EIF5B: variants seen among roughly 807,000 people sequenced by gnomAD.
EIF5B encodes eIF-5B.
Under a neutral mutation model 147.5 loss-of-function variants are expected in EIF5B, and 47 were observed. The observed-to-expected ratio is 0.32, with a 90% CI of 0.25 to 0.41. The LOEUF (loss-of-function observed/expected upper bound fraction) is 0.41. Ranked by LOEUF, EIF5B falls within the 10% of genes least tolerant of loss-of-function variation. The pLI, the probability that EIF5B is intolerant of heterozygous loss-of-function variation, is 1.00. For synonymous variants in EIF5B, 455 were observed against 456.2 expected, an observed-to-expected ratio of 1.00 and a Z score of 0.03; for missense variants, 1,064 against 1,413.2, an observed-to-expected ratio of 0.75 and a Z score of 3.96.
intron 1 of EIF5B, among the ~76,000 whole-genome samples, chr2:99,356,019 T>C (rs1674090690): frequency 6.6e-6 from 1 of 152,242 alleles, no homozygotes; most frequent in Admixed American, 6.5e-5. Flanking sequence ...CTGTTATTAC[T>C]ATATTAGCAT....
At chr2:99,374,389 T>G (rs1264083751) in intron 9 of EIF5B, among the ~76,000 whole-genome samples, 1 of 152,098 alleles carries the variant, frequency 6.6e-6, no homozygotes, top group Non-Finnish European at 1.5e-5. Context: ...CAATACTTAC[T>G]ATTTATAAGT....
At chr2:99,362,494 A>C (rs1324233502) in intron 4 of EIF5B, among the ~76,000 whole-genome samples, 3 of 151,936 alleles carry the variant, frequency 2.0e-5, no homozygotes, top group Non-Finnish European at 2.9e-5. Flanking sequence ...AGGTCAGGAG[A>C]TATAGACCAT....
chr2:99,344,048 A>AAGG (rs2094267090), intron 1 of EIF5B, among the ~76,000 whole-genome samples: 2 of 151,432 alleles, frequency 1.3e-5, no homozygotes, highest in South Asian at 4.2e-4. Context: ...CCTCCCGAGT[A>AAGG]GCTGGGACCA....
intron 22 of EIF5B, 127 bp downstream of exon 22, chr2:99,397,025 C>A: frequency 9.5e-7 from 1 of 1,057,766 alleles, no homozygotes; most frequent in South Asian, 2.6e-5. Context: ...GTGGTCTCCA[C>A]CTTCTTAACA....
Position 99,394,354 on chromosome 2 carries a change from T to G in EIF5B, c.2968T>G (p.Ser990Ala). 6.2e-7 allele frequency: 1 copy of G among 1,614,108 alleles called. No homozygotes were observed. The highest frequency in any genetic ancestry group is 8.5e-7 in the Non-Finnish European group (1 of 1,180,022). Reference sequence around the variant, plus strand: ...CTATGTCCAGGCATCTACACTGGGTTCTTTGGAAGCTCTACTGGAATTTCT... The same window carrying G: ...CTATGTCCAGGCATCTACACTGGGTGCTTTGGAAGCTCTACTGGAATTTCT... ...GVYVQASTLG[S>A]LEALLEFLKT... is the part of the protein sequence containing the mutation. The change falls in exon 19 of 24, where the codon TCT (serine) becomes GCT (alanine). Residue 990 changes from serine to alanine, a missense_variant. Physicochemically the swap from Ser to Ala is moderately conservative, Grantham distance 99. This residue lies in a region of EIF5B where 380 missense variants were observed against 715.6 expected (regional missense o/e 0.53). Transcript: ENST00000289371.
intron 5 of EIF5B, 107 bp from the exon 6 acceptor site, chr2:99,364,164 C>G: frequency 7.1e-7 from 1 of 1,402,614 alleles, no homozygotes; most frequent in South Asian, 1.5e-5. Flanking sequence ...TAACATAATA[C>G]TTTGCATGTG....
At position 99,400,629 on chromosome 2, in the gene EIF5B, G is replaced by A. The variant is rs898357136; in HGVS notation, c.*1215G>A. 1.3e-5 allele frequency: 2 copies of A among 152,134 alleles called. No homozygotes were observed. The highest frequency in any genetic ancestry group is 3.4e-3 in the Middle Eastern group (1 of 294). 9.4% of individuals were successfully genotyped at this position (152,134 alleles called of 1,614,324 possible). On this transcript the variant is annotated 3_prime_UTR_variant, in exon 24 of 24. Coordinates refer to ENST00000289371, the MANE Select transcript of EIF5B (RefSeq NM_015904.4). ...AAAGACAACACCACCTCTGATCTAC[G>A]GGACATAATGTTCCCAGGAAAAAAA...
intron 9 of EIF5B, 48 bp downstream of exon 9, chr2:99,371,778 A>G (rs780521714): frequency 3.4e-6 from 5 of 1,489,058 alleles, no homozygotes; most frequent in Non-Finnish European, 4.6e-6. Flanking sequence ...GTTATTAGAA[A>G]TGAATGATAT....
chr2:99,361,281 C>T lies in EIF5B; in HGVS notation c.380C>T (p.Ala127Val), dbSNP rs1674206872. ...AAAGATTCAAAATCAAAAAAGACTG[C>T]AAAACCGAAAGTGGAAATGTACTCT... ...EDKDSKSKKT[A>V]KPKVEMYSGS... The change falls in exon 4 of 24, where the codon GCA becomes GTA. Residue 127 changes from alanine to valine, a missense_variant. Physicochemically the swap from Ala to Val is moderately conservative, Grantham distance 64. This residue lies in a region of EIF5B where 458 missense variants were observed against 451.3 expected (regional missense o/e 1.01). Coordinates refer to ENST00000289371, the MANE Select transcript of EIF5B (RefSeq NM_015904.4). The T allele has an allele frequency of 1.2e-6, 2 of 1,612,340 alleles. No homozygotes were observed. Among genetic ancestry groups the T allele is most frequent in the African/African-American group, 2.7e-5 (2 of 74,770 alleles).
intron 1 of EIF5B, among the ~76,000 whole-genome samples, chr2:99,347,866 C>T (rs927149168): frequency 2.6e-5 from 4 of 152,094 alleles, no homozygotes; most frequent in Non-Finnish European, 5.9e-5. Flanking sequence ...TGTTCTATGA[C>T]AGTATACTGT....
chr2:99,339,168 C>CTGT (rs1161738486), intron 1 of EIF5B, among the ~76,000 whole-genome samples: 1 of 151,520 alleles, frequency 6.6e-6, no homozygotes, highest in African/African-American at 2.4e-5. Flanking sequence ...CATGCACCAC[C>CTGT]ACATCCGGCT....
intron 21 of EIF5B, 106 bp from the exon 22 acceptor site, chr2:99,396,654 A>AAAGCTGCTTTCCTCTAATGGGAG: frequency 7.1e-7 from 1 of 1,406,576 alleles, no homozygotes; most frequent in East Asian, 2.3e-5. Flanking sequence ...GCCGCTGGGG[A>AAAGCTGCTTTCCTCTAATGGGAG]AAGCTGCTTT....
intron 14 of EIF5B, 143 bp downstream of exon 14, chr2:99,383,064 G>T: frequency 2.4e-6 from 2 of 833,646 alleles, no homozygotes; most frequent in Non-Finnish European, 3.3e-6. Flanking sequence ...TTGTGTGTGT[G>T]TGTGTATTTG....
chr2:99,367,588 C>A (rs1357263820), intron 6 of EIF5B, among the ~76,000 whole-genome samples: 2 of 151,860 alleles, frequency 1.3e-5, no homozygotes, highest in African/African-American at 2.4e-5. Context: ...AGGCACCCAC[C>A]ACCACAATAT....
At position 99,389,781 on chromosome 2, in the gene EIF5B, C is replaced by T; in HGVS notation, c.2335C>T (p.Gln779Ter). The T allele has an allele frequency of 6.2e-7, 1 of 1,612,798 alleles. No individual in the cohort carries two copies. Among genetic ancestry groups the T allele is most frequent in the Non-Finnish European group, 8.5e-7 (1 of 1,179,514 alleles). ...DSDVAATLKK[Q>*]KKNTKDEFEE... ...TGATGTGGCTGCTACTTTAAAGAAG[C>T]AGAAAAAGAATACAAAAGATGAATT... Residue 779 changes from glutamine to a stop codon, truncating the protein, a stop_gained, in exon 15 of 24, where the codon CAG becomes TAG. Transcript: ENST00000289371. LOFTEE classifies it high-confidence loss of function.
chr2:99,390,134 T>G, intron 15 of EIF5B, 85 bp from the exon 16 acceptor site: 1 of 1,472,504 alleles, frequency 6.8e-7, no homozygotes, highest in Non-Finnish European at 9.4e-7. Context: ...GATGAGCCAT[T>G]TGCTCATCCG....
chr2:99,354,955 G>A (rs561929521), intron 1 of EIF5B, among the ~76,000 whole-genome samples: 3 of 151,774 alleles, frequency 2.0e-5, no homozygotes, highest in South Asian at 2.1e-4. Flanking sequence ...GGCACCTGCC[G>A]CCACACCCAG....
Position 99,368,653 on chromosome 2 carries a change from T to TC in EIF5B, c.1387+63dup, listed in dbSNP as rs1163415288. ...GTTGTTTGCCTTTCCCCCACAATCT[T>TC]CAAAACAGTGTCTGTAAAGAAGAAA... is the stretch of plus-strand genomic sequence containing the variant. On this transcript the variant is annotated intron_variant, in intron 7 of 23. Transcript: ENST00000289371. The TC allele has an allele frequency of 3.2e-6, 4 of 1,269,552 alleles. No homozygotes were observed. The East Asian group carries it at 9.4e-5, about 30-fold the overall frequency. 78.6% of individuals were successfully genotyped at this position (1,269,552 alleles called of 1,614,324 possible).
At chr2:99,394,904 ACTTT>A in intron 21 of EIF5B, 21 bp downstream of exon 21, 3 of 1,542,646 alleles carry the variant, frequency 1.9e-6, no homozygotes, top group Non-Finnish European at 2.6e-6. Context: ...GTTTTTATTT[ACTTT>A]GAGTCTTTGT....
Sources: gnomAD v4.1 joint callset for allele counts (sites outside exome capture counted in the v4.1 genomes callset) on GRCh38, gnomAD v4.1.1 for gene constraint, gnomAD v4.1.1 regional missense constraint, MANE v1.5 for transcripts, NCBI Gene and HGNC (gene_info 2026-07-23, HGNC 2026-07-21) for gene names.